The following TAFA1 variants were observed in gnomAD, a reference collection of about 807,000 sequenced individuals.
The protein encoded by TAFA1 is TAFA chemokine like family member 1.
TAFA1 carries 4 observed loss-of-function variants against 18.5 expected under a neutral mutation model. The ratio of observed to expected loss-of-function variants is 0.22; its 90% CI spans 0.11 to 0.49. The LOEUF (loss-of-function observed/expected upper bound fraction) is 0.49. TAFA1 is among the 20% of genes least tolerant of loss of function. The probability of loss-of-function intolerance (pLI) is 0.98; values close to 1 mark genes in which losing one functional copy is unlikely to be tolerated. For missense variants in TAFA1, 147 were observed against 169.0 expected, an observed-to-expected ratio of 0.87 and a Z score of 0.72; for synonymous variants, 56 against 55.2, an observed-to-expected ratio of 1.01 and a Z score of -0.06.
intron 2 of TAFA1, among the ~76,000 whole-genome samples, chr3:68,007,429 G>C (rs1014923929): frequency 6.6e-6 from 1 of 151,954 alleles, no homozygotes; most frequent in Non-Finnish European, 1.5e-5. Flanking sequence ...CCACGGCCTC[G>C]CTCTTCATTC....
At chr3:68,027,310 C>T (rs1704838121) in intron 2 of TAFA1, among the ~76,000 whole-genome samples, 1 of 152,078 alleles carries the variant, frequency 6.6e-6, no homozygotes, top group African/African-American at 2.4e-5. Context: ...TAGCAGAATC[C>T]TGAGGACACT....
Position 68,128,568 on chromosome 3 carries a change from G to A in TAFA1, c.118+121824G>A, listed in dbSNP as rs182075089. 1.2e-3 allele frequency among the ~76,000 whole-genome samples: 181 copies of A among 152,310 alleles called. 1 individual carries two copies. The highest frequency in any genetic ancestry group is 4.3e-3 in the African/African-American group (180 of 41,576). On this transcript the variant is annotated intron_variant, in intron 2 of 4. Transcript: ENST00000478136. ...AGAAGCTTTATTTGTAGTTAGAGCA[G>A]ACTTCCCCACCAAAACATGCAGAAC...
rs367560536 is a variant in TAFA1 at position 68,515,647 on chromosome 3, CA to C, written c.260-23103del. On this transcript the variant is annotated intron_variant, in intron 3 of 4. Transcript: ENST00000478136. ...ATAATTCTAACAAGCATTATGAAAT[CA>C]AAAAAGATATCAAAATGTGGGGTCC... Among the ~76,000 whole-genome samples the C allele has an allele frequency of 5.8e-3, 876 of 152,224 alleles. 6 individuals are homozygous for C. Among genetic ancestry groups the C allele is most frequent in the African/African-American group, 0.021 (853 of 41,546 alleles).
chr3:68,223,946 T>G (rs1351342315), intron 2 of TAFA1, among the ~76,000 whole-genome samples: 1 of 151,264 alleles, frequency 6.6e-6, no homozygotes, highest in African/African-American at 2.4e-5. Context: ...TATATGAATT[T>G]GACTAAACCT....
At chr3:68,375,647 T>C (rs2069795921) in intron 2 of TAFA1, among the ~76,000 whole-genome samples, 1 of 152,230 alleles carries the variant, frequency 6.6e-6, no homozygotes, top group African/African-American at 2.4e-5. Flanking sequence ...TTAAAACAGA[T>C]GTGAAGTCTG....
chr3:68,481,332 A>G (rs1015892210), intron 3 of TAFA1, among the ~76,000 whole-genome samples: 17 of 152,214 alleles, frequency 1.1e-4, no homozygotes, highest in Non-Finnish European at 4.4e-5. Context: ...GGGGGTCTAT[A>G]AACAGTGAGT....
chr3:68,344,741 C>T (rs985314938), intron 2 of TAFA1, among the ~76,000 whole-genome samples: 2 of 152,178 alleles, frequency 1.3e-5, no homozygotes, highest in African/African-American at 2.4e-5. Flanking sequence ...TAAATATCTA[C>T]ACAGTCTTTA....
chr3:68,294,241 A>C (rs1386097083), intron 2 of TAFA1, among the ~76,000 whole-genome samples: 2 of 152,242 alleles, frequency 1.3e-5, no homozygotes, highest in Non-Finnish European at 2.9e-5. Context: ...TATAAGTAAA[A>C]TGCAAGCCAC....
At position 68,078,880 on chromosome 3, in the gene TAFA1, G is replaced by T. The variant is rs557216013; in HGVS notation, c.118+72136G>T. ...TCTATTGATTGGAATAGTTTCAGAA[G>T]GAATGGTAGCAGCTCCTCCTTGTAC... On this transcript the variant is annotated intron_variant, in intron 2 of 4. Coordinates refer to ENST00000478136, the MANE Select transcript of TAFA1 (RefSeq NM_213609.4). 5.3e-5 allele frequency among the ~76,000 whole-genome samples: 8 copies of T among 152,324 alleles called. No homozygotes were observed. The East Asian group carries it at 1.5e-3, about 29-fold the overall frequency.
At chr3:68,492,627 A>G (rs2106685466) in intron 3 of TAFA1, among the ~76,000 whole-genome samples, 1 of 152,322 alleles carries the variant, frequency 6.6e-6, no homozygotes, top group East Asian at 1.9e-4. Context: ...AAGTTTCAAG[A>G]TAAGTATCTC....
intron 2 of TAFA1, among the ~76,000 whole-genome samples, chr3:68,099,420 T>G (rs1321674032): frequency 6.6e-6 from 1 of 152,066 alleles, no homozygotes; most frequent in Admixed American, 6.6e-5. Context: ...ATATCACTAA[T>G]CGTCAGAGAA....
At chr3:68,219,497 G>A (rs1468606859) in intron 2 of TAFA1, among the ~76,000 whole-genome samples, 1 of 151,892 alleles carries the variant, frequency 6.6e-6, no homozygotes, top group African/African-American at 2.4e-5. Context: ...TTCTAGTTTG[G>A]CCTCTACATC....
chr3:68,280,005 G>A (rs1346718784), intron 2 of TAFA1, among the ~76,000 whole-genome samples: 7 of 152,038 alleles, frequency 4.6e-5, no homozygotes, highest in East Asian at 1.9e-4. Context: ...TACAAAATTC[G>A]CAAATTCTTG....
chr3:68,152,993 G>A (rs1184754941), intron 2 of TAFA1, among the ~76,000 whole-genome samples: 1 of 152,096 alleles, frequency 6.6e-6, no homozygotes, highest in African/African-American at 2.4e-5. Context: ...CTGAGAGTAA[G>A]GGAGGCTTGG....
At chr3:68,271,662 C>T (rs973719594) in intron 2 of TAFA1, among the ~76,000 whole-genome samples, 11 of 152,020 alleles carry the variant, frequency 7.2e-5, no homozygotes, top group Admixed American at 2.0e-4. Flanking sequence ...CAATCACAAA[C>T]GAGGTGTTTG....
intron 2 of TAFA1, among the ~76,000 whole-genome samples, chr3:68,332,082 C>A (rs1301262740): frequency 6.6e-6 from 1 of 151,604 alleles, no homozygotes; most frequent in East Asian, 1.9e-4. Flanking sequence ...CCCGGATGGT[C>A]TCGATCTCCT....
chr3:68,528,393 G>A (rs2073138005), intron 3 of TAFA1, among the ~76,000 whole-genome samples: 1 of 152,188 alleles, frequency 6.6e-6, no homozygotes, highest in Admixed American at 6.5e-5. Context: ...TAGAGTCTTA[G>A]TCAATACATA....
At chr3:68,147,670 CA>C (rs1224822684) in intron 2 of TAFA1, among the ~76,000 whole-genome samples, 7 of 152,174 alleles carry the variant, frequency 4.6e-5, no homozygotes, top group African/African-American at 1.4e-4. Flanking sequence ...TTTTCTGAAA[CA>C]CTTGAAAGAT....
intron 2 of TAFA1, among the ~76,000 whole-genome samples, chr3:68,134,391 C>T (rs1448167070): frequency 1.3e-5 from 2 of 152,032 alleles, no homozygotes; most frequent in Non-Finnish European, 2.9e-5. Context: ...TATATATATA[C>T]ACGTACATAT....
Sources: gnomAD v4.1 joint callset for allele counts (sites outside exome capture counted in the v4.1 genomes callset) on GRCh38, gnomAD v4.1.1 for gene constraint, MANE v1.5 for transcripts, NCBI Gene and HGNC (gene_info 2026-07-23, HGNC 2026-07-21) for gene names.